The following TGFA variants were observed in gnomAD, a reference collection of about 807,000 sequenced individuals.
TGFA encodes protransforming growth factor alpha.
Under a neutral mutation model 21.7 loss-of-function variants are expected in TGFA, and 12 were observed. That is an observed-to-expected ratio of 0.55 (90% CI 0.35 to 0.90). TGFA has a LOEUF of 0.90. Ranked by LOEUF, TGFA falls within the 40% of genes least tolerant of loss-of-function variation. TGFA has a pLI of 0.01. For missense variants in TGFA, 178 were observed against 210.8 expected, an observed-to-expected ratio of 0.84 and a Z score of 0.96; for synonymous variants, 79 against 88.1, an observed-to-expected ratio of 0.90 and a Z score of 0.58.
intron 4 of TGFA, among the ~76,000 whole-genome samples, chr2:70,454,015 A>G (rs1670142725): frequency 6.6e-6 from 1 of 151,468 alleles, no homozygotes; most frequent in Admixed American, 6.6e-5. Flanking sequence ...GAAAAAAAAA[A>G]AGCCCCAAAA....
At chr2:70,520,541 T>C (rs1672414964) in intron 1 of TGFA, among the ~76,000 whole-genome samples, 1 of 152,080 alleles carries the variant, frequency 6.6e-6, no homozygotes, top group Non-Finnish European at 1.5e-5. Context: ...TATTTACTTA[T>C]GTTAACTAAT....
chr2:70,466,394 C>T (rs1559103125), intron 2 of TGFA, among the ~76,000 whole-genome samples: 1 of 152,162 alleles, frequency 6.6e-6, no homozygotes, highest in Non-Finnish European at 1.5e-5. Context: ...GTAGTCCCAG[C>T]TACTTGGGAG....
intron 2 of TGFA, among the ~76,000 whole-genome samples, chr2:70,468,717 T>C (rs1007194403): frequency 1.3e-5 from 2 of 152,202 alleles, no homozygotes; most frequent in Admixed American, 6.5e-5. Context: ...GTACTTCTTA[T>C]GAGAATCTAA....
intron 1 of TGFA, among the ~76,000 whole-genome samples, chr2:70,528,024 C>T (rs1278072044): frequency 1.3e-5 from 2 of 152,180 alleles, no homozygotes; most frequent in Non-Finnish European, 2.9e-5. Flanking sequence ...ATCTGCTGCC[C>T]TGTGGGCTCA....
At chr2:70,553,115 A>T in intron 1 of TGFA, 1 of 1,505,866 alleles carries the variant, frequency 6.6e-7, no homozygotes, top group Non-Finnish European at 8.9e-7. Context: ...CTCGGCGGAC[A>T]CCGAAACCAC....
rs1553501377 is a variant in TGFA at position 70,514,829 on chromosome 2, G to A, written c.94+30C>T. ...GCAGGCCCGCTCCCTTCCCACACAC[G>A]ATCCACACACCCACGGCAGCTGCAC... On this transcript the variant is annotated intron_variant, in intron 2 of 5. Coordinates refer to ENST00000295400, the MANE Select transcript of TGFA (RefSeq NM_003236.4). 4.3e-6 allele frequency: 7 copies of A among 1,612,520 alleles called. No homozygotes were observed. The Admixed American group carries it at 8.3e-5, about 19-fold the overall frequency.
intron 1 of TGFA, chr2:70,553,500 G>C: frequency 4.3e-6 from 6 of 1,382,536 alleles, no homozygotes; most frequent in South Asian, 1.8e-5. Context: ...TCTCACGCAC[G>C]GCCCAGGCAG....
In TGFA at chr2:70,453,476, C is replaced by T. The variant is rs572811235; in HGVS notation, c.366-149G>A. On this transcript the variant is annotated intron_variant, in intron 4 of 5. Transcript: ENST00000295400. The stretch of plus-strand genomic sequence containing the variant: ...ATGGGGGCTTCTAGAGGGACAGGCA[C>T]CATAGGGGGCTGAGGGCATTGTAGG... The T allele has an allele frequency of 4.3e-5, 26 of 610,656 alleles. No homozygotes were observed. The African/African-American group carries it at 4.4e-4, about 10-fold the overall frequency. 37.8% of individuals were successfully genotyped at this position (610,656 alleles called of 1,614,324 possible).
chr2:70,548,094 A>C lies in TGFA; in HGVS notation c.40+5634T>G, dbSNP rs114538358. Reference sequence around the variant, plus strand: ...AAAACAATAAAATGCTATCCTGAAGACTACCAGCATTAGTGATGCAAGACT... The same window carrying C: ...AAAACAATAAAATGCTATCCTGAAGCCTACCAGCATTAGTGATGCAAGACT... On this transcript the variant is annotated intron_variant, in intron 1 of 5. Coordinates refer to ENST00000295400, the MANE Select transcript of TGFA (RefSeq NM_003236.4). Among the ~76,000 whole-genome samples, 972 of 152,282 alleles carry C rather than the reference A, an allele frequency of 6.4e-3. 12 individuals are homozygous for C. The highest frequency in any genetic ancestry group is 0.022 in the African/African-American group (931 of 41,558).
intron 2 of TGFA, among the ~76,000 whole-genome samples, chr2:70,477,953 C>G (rs1245640315): frequency 6.6e-6 from 1 of 152,188 alleles, no homozygotes; most frequent in Non-Finnish European, 1.5e-5. Flanking sequence ...GATGAATCCT[C>G]ACAATAAATC....
chr2:70,455,362 A>ATCTT (rs782352539), intron 4 of TGFA, among the ~76,000 whole-genome samples: 13 of 152,278 alleles, frequency 8.5e-5, no homozygotes, highest in South Asian at 4.1e-4. Flanking sequence ...ATCTGTCCAA[A>ATCTT]TCTTAGGCAA....
intron 1 of TGFA, among the ~76,000 whole-genome samples, chr2:70,527,093 C>T (rs1672660595): frequency 6.6e-6 from 1 of 152,200 alleles, no homozygotes. Context: ...CAATAGTGCT[C>T]CTTGGTATTT....
At chr2:70,519,490 A>T (rs1487524682) in intron 1 of TGFA, among the ~76,000 whole-genome samples, 1 of 152,232 alleles carries the variant, frequency 6.6e-6, no homozygotes, top group African/African-American at 2.4e-5. Context: ...CCAGGTGAGG[A>T]TGCTGGCTTC....
chr2:70,505,547 C>A (rs1671897054), intron 2 of TGFA, among the ~76,000 whole-genome samples: 1 of 152,098 alleles, frequency 6.6e-6, no homozygotes, highest in Admixed American at 6.6e-5. Context: ...CTTTCAAGAT[C>A]TTAAAGATAC....
chr2:70,468,005 C>T (rs1553492604), intron 2 of TGFA, among the ~76,000 whole-genome samples: 1 of 152,178 alleles, frequency 6.6e-6, no homozygotes, highest in Non-Finnish European at 1.5e-5. Flanking sequence ...CAGCGGGTCC[C>T]CCTGCCTCCT....
At chr2:70,539,018 A>G (rs2092754798) in intron 1 of TGFA, among the ~76,000 whole-genome samples, 1 of 152,234 alleles carries the variant, frequency 6.6e-6, no homozygotes, top group Non-Finnish European at 1.5e-5. Context: ...TCAGCAGCCA[A>G]CGACATCAAG....
At chr2:70,483,163 G>GT (rs1171305409) in intron 2 of TGFA, among the ~76,000 whole-genome samples, 8 of 152,236 alleles carry the variant, frequency 5.3e-5, no homozygotes, top group African/African-American at 1.9e-4. Context: ...GCCTTATGCT[G>GT]GTGGCATTTC....
At chr2:70,473,248 G>A (rs1553493591) in intron 2 of TGFA, among the ~76,000 whole-genome samples, 1 of 152,162 alleles carries the variant, frequency 6.6e-6, no homozygotes, top group Admixed American at 6.5e-5. Flanking sequence ...GCTATGGAGT[G>A]AAGGAGAGGC....
At chr2:70,543,170 A>G (rs1179102896) in intron 1 of TGFA, among the ~76,000 whole-genome samples, 1 of 152,136 alleles carries the variant, frequency 6.6e-6, no homozygotes, top group Non-Finnish European at 1.5e-5. Context: ...ATCAAGAAAA[A>G]CAAACTTTAA....
Sources: gnomAD v4.1 joint callset for allele counts (sites outside exome capture counted in the v4.1 genomes callset) on GRCh38, gnomAD v4.1.1 for gene constraint, MANE v1.5 for transcripts, NCBI Gene and HGNC (gene_info 2026-07-23, HGNC 2026-07-21) for gene names.